The following FPR3 variants were observed in gnomAD, a reference collection of about 807,000 sequenced individuals.
FPR3 encodes the protein formyl peptide receptor 3.
For missense variants in FPR3, 346 were observed against 443.2 expected, an observed-to-expected ratio of 0.78 and a Z score of 1.97; for synonymous variants, 135 against 163.6, an observed-to-expected ratio of 0.83 and a Z score of 1.34.
At chr19:51,795,592 C>A (rs1017242605) in intron 1 of FPR3, among the ~76,000 whole-genome samples, 1 of 140,972 alleles carries the variant, frequency 7.1e-6, no homozygotes, top group African/African-American at 2.7e-5. Flanking sequence ...CAGCCCACTG[C>A]AACCTCTGCC....
Position 51,824,592 on chromosome 19 carries a change from G to A in FPR3, c.844G>A (p.Val282Ile), listed in dbSNP as rs369848179. 5.6e-6 allele frequency: 9 copies of A among 1,614,006 alleles called. No individual in the cohort carries two copies. The highest frequency in any genetic ancestry group is 1.6e-4 in the Middle Eastern group (1 of 6,084). The change falls in exon 2 of 2, where the codon GTC becomes ATC. Residue 282 changes from valine to isoleucine, a missense_variant. By Grantham distance (29) the Val-to-Ile change is conservative. Coordinates refer to ENST00000339223, the MANE Select transcript of FPR3 (RefSeq NM_002030.5). The surrounding 1 kb of genome is among the most constrained non-coding windows in gnomAD (Gnocchi z 4.7). ...LLNGKYKIIL[V>I]LINPTSSLAF... ...AAATGGCAAATACAAAATCATTCTT[G>A]TCCTGATTAACCCAACAAGCTCCTT...
At chr19:51,812,621 C>T (rs993982799) in intron 1 of FPR3, among the ~76,000 whole-genome samples, 1 of 152,160 alleles carries the variant, frequency 6.6e-6, no homozygotes, top group Non-Finnish European at 1.5e-5. Context: ...CCTAGGGGTA[C>T]CCTCATAGCT....
chr19:51,806,397 A>C (rs2084059100), intron 1 of FPR3, among the ~76,000 whole-genome samples: 1 of 152,212 alleles, frequency 6.6e-6, no homozygotes. Flanking sequence ...ACTTTCAGAT[A>C]AACTTTCCTC....
intron 1 of FPR3, among the ~76,000 whole-genome samples, chr19:51,806,425 C>CCAAT (rs2122427041): frequency 6.6e-6 from 1 of 152,312 alleles, no homozygotes; most frequent in South Asian, 2.1e-4. Flanking sequence ...CTAACACTTG[C>CCAAT]CAATGTCTTT....
chr19:51,812,805 T>C lies in FPR3; in HGVS notation c.-10-10934T>C, dbSNP rs527887182. On this transcript the variant is annotated intron_variant, in intron 1 of 1. Transcript: ENST00000339223. ...ATTCAAGGTACTATAACAAAATTTA[T>C]TATGCTGGATAATTTGTAAACAACA... Among the ~76,000 whole-genome samples the C allele has an allele frequency of 9.7e-4, 147 of 152,308 alleles. 1 individual carries two copies. Among genetic ancestry groups the C allele is most frequent in the Middle Eastern group, 6.8e-3 (2 of 294 alleles).
chr19:51,804,240 C>T (rs2084043165), intron 1 of FPR3: 1 of 151,776 alleles, frequency 6.6e-6, no homozygotes, highest in Admixed American at 6.6e-5. Flanking sequence ...TTCTACACCA[C>T]AGTCACGAGT....
At chr19:51,806,682 C>T (rs769359368) in intron 1 of FPR3, among the ~76,000 whole-genome samples, 4 of 152,178 alleles carry the variant, frequency 2.6e-5, no homozygotes, top group Non-Finnish European at 4.4e-5. Context: ...TAAGCAGGTC[C>T]ATTGTCAATT....
At chr19:51,802,898 G>A (rs866077856) in intron 1 of FPR3, among the ~76,000 whole-genome samples, 2 of 151,850 alleles carry the variant, frequency 1.3e-5, no homozygotes, top group Non-Finnish European at 2.9e-5. Flanking sequence ...GTATACAACT[G>A]TATACAAACT....
chr19:51,803,596 CA>C (rs35535525), intron 1 of FPR3, among the ~76,000 whole-genome samples: 29,501 of 131,924 alleles, frequency 0.22, 3,019 homozygotes, highest in East Asian at 0.49. Context: ...TTTCAATTTC[CA>C]AAAAAAAAAA....
In FPR3 at chr19:51,824,490, G is replaced by A; in HGVS notation, c.742G>A (p.Ala248Thr). 2 of 1,613,984 alleles carry A rather than the reference G, an allele frequency of 1.2e-6. No homozygotes were observed. Among genetic ancestry groups the A allele is most frequent in the Non-Finnish European group, 1.7e-6 (2 of 1,179,984 alleles). The change falls in exon 2 of 2, where the codon GCT (alanine) becomes ACT (threonine). Residue 248 changes from alanine to threonine, a missense_variant. By Grantham distance (58) the Ala-to-Thr change is moderately conservative. Transcript: ENST00000339223. This position sits in a 1 kb window ranked among gnomAD's most constrained non-coding sequence, Gnocchi z 4.7. ...CTTACGTGTCTTCGCTGCTGTGGTGGCTTCTTTCTTCATCTGTTGGTTCCC... is the reference window on the plus strand; with the variant it reads ...CTTACGTGTCTTCGCTGCTGTGGTGACTTCTTTCTTCATCTGTTGGTTCCC... ...RPLRVFAAVV[A>T]SFFICWFPYE... is the part of the protein sequence containing the mutation.
intron 1 of FPR3, among the ~76,000 whole-genome samples, chr19:51,823,291 G>T (rs970409927): frequency 1.3e-5 from 2 of 152,166 alleles, no homozygotes; most frequent in African/African-American, 4.8e-5. Flanking sequence ...CTCACAGTGG[G>T]AGGGACAGGA....
At chr19:51,813,154 ACACACACC>A (rs1156504110) in intron 1 of FPR3, among the ~76,000 whole-genome samples, 2 of 148,386 alleles carry the variant, frequency 1.3e-5, no homozygotes, top group African/African-American at 5.2e-5. Context: ...ACACACACAC[ACACACACC>A]CCATAAATTT....
chr19:51,824,247 A>C lies in FPR3; in HGVS notation c.499A>C (p.Ile167Leu). Reference sequence around the variant, plus strand: ...ACCAAATTTCATCTTCTGGACTACAATAAGTACTACGAATGGGGACACATA... The same window carrying C: ...ACCAAATTTCATCTTCTGGACTACACTAAGTACTACGAATGGGGACACATA... ...TLPNFIFWTT[I>L]STTNGDTYCI... is the part of the protein sequence containing the mutation. The change falls in exon 2 of 2, where the codon ATA becomes CTA. Residue 167 changes from isoleucine (I) to leucine (L), a missense_variant. By Grantham distance (5) the Ile-to-Leu change is conservative. Coordinates refer to ENST00000339223, the MANE Select transcript of FPR3 (RefSeq NM_002030.5). The surrounding 1 kb of genome is among the most constrained non-coding windows in gnomAD (Gnocchi z 4.7). The C allele has an allele frequency of 6.2e-7, 1 of 1,614,192 alleles. No individual in the cohort carries two copies. The highest frequency in any genetic ancestry group is 8.5e-7 in the Non-Finnish European group (1 of 1,180,022).
At chr19:51,801,190 G>A (rs1182912075) in intron 1 of FPR3, among the ~76,000 whole-genome samples, 4 of 151,982 alleles carry the variant, frequency 2.6e-5, no homozygotes, top group Non-Finnish European at 5.9e-5. Context: ...GCCAAAACCA[G>A]GTCTAGCAAA....
intron 1 of FPR3, among the ~76,000 whole-genome samples, chr19:51,811,901 T>A (rs2084099632): frequency 6.6e-6 from 1 of 152,180 alleles, no homozygotes; most frequent in Admixed American, 6.5e-5. Flanking sequence ...AGTGGAATGA[T>A]GAGTTGGTCA....
chr19:51,804,091 C>G (rs1198824641), intron 1 of FPR3: 1 of 152,128 alleles, frequency 6.6e-6, no homozygotes, highest in South Asian at 2.1e-4. Flanking sequence ...AGACTGACAG[C>G]TGCCTAACCA....
rs777573101 is a variant in FPR3, at chr19:51,823,700, TGTCACAGCTGAGAAATG to T, written c.-10-37_-10-21del. 81 of 1,432,508 alleles carry T rather than the reference TGTCACAGCTGAGAAATG, an allele frequency of 5.7e-5. 1 individual carries two copies. The South Asian group carries it at 6.6e-4, about 12-fold the overall frequency. 88.7% of individuals were successfully genotyped at this position (1,432,508 alleles called of 1,614,324 possible). ...AATGAATAGTTGTATTGTAAGATGG[TGTCACAGCTGAGAAATG>T]GCCATTGCTGAAATGTTTCAGGTGT... On this transcript the variant is annotated intron_variant, in intron 1 of 1. Coordinates refer to ENST00000339223, the MANE Select transcript of FPR3 (RefSeq NM_002030.5).
chr19:51,821,037 A>G (rs964385634), intron 1 of FPR3, among the ~76,000 whole-genome samples: 3 of 152,160 alleles, frequency 2.0e-5, no homozygotes, highest in Admixed American at 6.5e-5. Context: ...AAAAGGCACG[A>G]CCCAGGATTG....
At chr19:51,801,822 T>A (rs767735040) in intron 1 of FPR3, among the ~76,000 whole-genome samples, 1 of 152,360 alleles carries the variant, frequency 6.6e-6, no homozygotes, top group Middle Eastern at 3.4e-3. Context: ...AGGGATCTCA[T>A]TAAATTTACT....
Sources: gnomAD v4.1 joint callset for allele counts (sites outside exome capture counted in the v4.1 genomes callset) on GRCh38, gnomAD v4.1.1 for gene constraint, Gnocchi (gnomAD v3.1) non-coding constraint, MANE v1.5 for transcripts, NCBI Gene and HGNC (gene_info 2026-07-23, HGNC 2026-07-21) for gene names.